ZBTB20: variants seen among roughly 807,000 people sequenced by gnomAD.
The protein encoded by ZBTB20 is zinc finger and BTB domain containing 20.
Under a neutral mutation model 56.9 loss-of-function variants are expected in ZBTB20, and 9 were observed. The ratio of observed to expected loss-of-function variants is 0.16; its 90% CI spans 0.10 to 0.28. The LOEUF (loss-of-function observed/expected upper bound fraction) is 0.28, where lower values mean the gene tolerates loss of function less well. Ranked by LOEUF, ZBTB20 falls within the 10% of genes least tolerant of loss-of-function variation. The pLI is 1.00. For synonymous variants in ZBTB20, 417 were observed against 420.7 expected, an observed-to-expected ratio of 0.99 and a Z score of 0.11; for missense variants, 655 against 1,003.0, an observed-to-expected ratio of 0.65 and a Z score of 4.69.
chr3:114,959,720 TACACACACACACAC>T (rs56785871), intron 3 of ZBTB20, among the ~76,000 whole-genome samples: 3 of 145,258 alleles, frequency 2.1e-5, no homozygotes, highest in Non-Finnish European at 4.5e-5. Flanking sequence ...TTTATATACA[TACACACACACACAC>T]ACACACACAC....
At chr3:114,561,159 T>C (rs905206965) in intron 6 of ZBTB20, among the ~76,000 whole-genome samples, 2 of 152,190 alleles carry the variant, frequency 1.3e-5, no homozygotes, top group Non-Finnish European at 2.9e-5. Context: ...TAATTCTAGT[T>C]CTCTTGTTAT....
At chr3:114,563,384 A>G (rs1281287799) in intron 6 of ZBTB20, among the ~76,000 whole-genome samples, 1 of 152,218 alleles carries the variant, frequency 6.6e-6, no homozygotes, top group African/African-American at 2.4e-5. Flanking sequence ...GCATAACTCT[A>G]AAATGTATTA....
At chr3:114,402,409 A>C (rs1233643946) in intron 7 of ZBTB20, among the ~76,000 whole-genome samples, 1 of 152,198 alleles carries the variant, frequency 6.6e-6, no homozygotes, top group African/African-American at 2.4e-5. Context: ...AAGAGAGAAG[A>C]AGAGGAAGGA....
At chr3:114,468,628 A>G (rs1452126029) in intron 7 of ZBTB20, among the ~76,000 whole-genome samples, 1 of 152,122 alleles carries the variant, frequency 6.6e-6, no homozygotes, top group East Asian at 1.9e-4. Context: ...TTAAACAATC[A>G]CCTATTTTTG....
chr3:114,725,752 G>A (rs1168202349), intron 5 of ZBTB20, among the ~76,000 whole-genome samples: 2 of 152,188 alleles, frequency 1.3e-5, no homozygotes, highest in African/African-American at 4.8e-5. Context: ...AATAACAGGA[G>A]AATTATGGTC....
At chr3:114,747,348 C>G (rs1169053870) in intron 5 of ZBTB20, among the ~76,000 whole-genome samples, 2 of 152,000 alleles carry the variant, frequency 1.3e-5, no homozygotes, top group Non-Finnish European at 2.9e-5. Context: ...GGCAGATCAC[C>G]TAAGGTCAGG....
At position 114,327,217 on chromosome 3, in the gene ZBTB20, G is replaced by C. The variant is rs1166837257; in HGVS notation, c.*11788C>G. On this transcript the variant is annotated 3_prime_UTR_variant, in exon 12 of 12. Coordinates refer to ENST00000675478, the MANE Select transcript of ZBTB20 (RefSeq NM_001348800.3). ...TTAATCTGAGACTAACACAGAGGTTGTGGTGAGAAATTCTGGGTCTTGGGG... is the reference window on the plus strand; with the variant it reads ...TTAATCTGAGACTAACACAGAGGTTCTGGTGAGAAATTCTGGGTCTTGGGG... The C allele has an allele frequency of 1.3e-5, 2 of 152,106 alleles. No individual in the cohort carries two copies. The highest frequency in any genetic ancestry group is 4.8e-5 in the African/African-American group (2 of 41,408). 9.4% of individuals were successfully genotyped at this position (152,106 alleles called of 1,614,324 possible). A position where few individuals can be genotyped will look rare whatever the true frequency, so the allele number is the denominator to read the frequency against.
At chr3:115,136,412 A>C (rs1325457686) in intron 1 of ZBTB20, among the ~76,000 whole-genome samples, 1 of 152,178 alleles carries the variant, frequency 6.6e-6, no homozygotes, top group Non-Finnish European at 1.5e-5. Context: ...TATTAGGCTA[A>C]GGACTAAAGC....
At position 115,114,938 on chromosome 3, in the gene ZBTB20, C is replaced by T. The variant is rs191658780; in HGVS notation, c.-703+32281G>A. Among the ~76,000 whole-genome samples the T allele has an allele frequency of 2.5e-3, 374 of 152,146 alleles. 1 individual carries two copies. The highest frequency in any genetic ancestry group is 8.2e-3 in the African/African-American group (341 of 41,546). On this transcript the variant is annotated intron_variant, in intron 1 of 11. Coordinates refer to ENST00000675478, the MANE Select transcript of ZBTB20 (RefSeq NM_001348800.3). ...CTGTAAAAGAAAAATGCATAACTGC[C>T]ATAAATTTCTTATTACTTCTCAATA... is the stretch of plus-strand genomic sequence containing the variant.
chr3:115,091,940 T>A (rs1274069932), intron 1 of ZBTB20, among the ~76,000 whole-genome samples: 1 of 152,068 alleles, frequency 6.6e-6, no homozygotes, highest in African/African-American at 2.4e-5. Context: ...GTTATGCATA[T>A]AAAATTGCTG....
intron 6 of ZBTB20, among the ~76,000 whole-genome samples, chr3:114,659,926 C>T (rs556811182): frequency 2.2e-4 from 34 of 152,112 alleles, no homozygotes; most frequent in African/African-American, 8.2e-4. Flanking sequence ...CTTTGCTTGT[C>T]CAAGACTGTG....
intron 1 of ZBTB20, among the ~76,000 whole-genome samples, chr3:115,087,176 G>A (rs1437840209): frequency 2.6e-5 from 4 of 151,684 alleles, no homozygotes; most frequent in African/African-American, 4.8e-5. Flanking sequence ...GGAGGAAAAG[G>A]TATCAAAATT....
chr3:115,048,459 G>A (rs1294140012), intron 2 of ZBTB20, among the ~76,000 whole-genome samples: 2 of 151,954 alleles, frequency 1.3e-5, no homozygotes, highest in African/African-American at 4.8e-5. Context: ...TCAAAGTCAG[G>A]GCCTTGGGTT....
In ZBTB20 at chr3:114,429,258, C is replaced by T. The variant is rs537881890; in HGVS notation, c.-254-40153G>A. On this transcript the variant is annotated intron_variant, in intron 7 of 11. Coordinates refer to ENST00000675478, the MANE Select transcript of ZBTB20 (RefSeq NM_001348800.3). ...GTATAGTTGTTTTATATCTACAATACAACCTCTTAAATAATCAAGTAGTCA... is the reference window on the plus strand; with the variant it reads ...GTATAGTTGTTTTATATCTACAATATAACCTCTTAAATAATCAAGTAGTCA... Among the ~76,000 whole-genome samples the T allele has an allele frequency of 7.2e-5, 11 of 152,234 alleles. No individual in the cohort carries two copies. In the East Asian group the frequency reaches 2.1e-3, roughly 29 times the overall value.
chr3:114,698,539 C>A (rs1024348464), intron 5 of ZBTB20, among the ~76,000 whole-genome samples: 2 of 152,076 alleles, frequency 1.3e-5, no homozygotes, highest in Non-Finnish European at 2.9e-5. Context: ...CTGCTAGGTA[C>A]AGGTCCTTCC....
Position 114,641,949 on chromosome 3 carries a change from T to C in ZBTB20, c.-295+51579A>G, listed in dbSNP as rs189269891. Among the ~76,000 whole-genome samples the C allele has an allele frequency of 1.2e-3, 187 of 152,166 alleles. 1 individual carries two copies. The highest frequency in any genetic ancestry group is 4.2e-3 in the African/African-American group (176 of 41,552). ...GTTCTCATAAATTTTCCCTCCAAATTAACCAGGTAGAAAGGGCTAATCCTG... is the reference window on the plus strand; with the variant it reads ...GTTCTCATAAATTTTCCCTCCAAATCAACCAGGTAGAAAGGGCTAATCCTG... On this transcript the variant is annotated intron_variant, in intron 6 of 11. Coordinates refer to ENST00000675478, the MANE Select transcript of ZBTB20 (RefSeq NM_001348800.3).
intron 7 of ZBTB20, among the ~76,000 whole-genome samples, chr3:114,481,589 G>A (rs577354194): frequency 5.7e-4 from 86 of 152,040 alleles, no homozygotes; most frequent in Non-Finnish European, 1.2e-4. Flanking sequence ...TTGCAGGCAA[G>A]TATTGGAACG....
intron 6 of ZBTB20, among the ~76,000 whole-genome samples, chr3:114,500,675 C>G (rs1395072784): frequency 1.3e-5 from 2 of 152,184 alleles, no homozygotes; most frequent in Non-Finnish European, 2.9e-5. Flanking sequence ...TCATTCTAAT[C>G]TGTATCATAT....
intron 1 of ZBTB20, among the ~76,000 whole-genome samples, chr3:115,116,955 G>A (rs1336699702): frequency 1.3e-5 from 2 of 152,016 alleles, no homozygotes; most frequent in East Asian, 3.8e-4. Context: ...ATATACATAG[G>A]GTGACACCAT....
Sources: gnomAD v4.1 joint callset for allele counts (sites outside exome capture counted in the v4.1 genomes callset) on GRCh38, gnomAD v4.1.1 for gene constraint, MANE v1.5 for transcripts, NCBI Gene and HGNC (gene_info 2026-07-23, HGNC 2026-07-21) for gene names.